Variants in GRIA4 observed in about 807,000 individuals in gnomAD.
GRIA4 encodes the protein glutamate receptor 4.
A neutral mutation model predicts 104.0 loss-of-function variants in GRIA4; 34 were observed. The ratio of observed to expected loss-of-function variants is 0.33; its 90% CI spans 0.25 to 0.44. The LOEUF (loss-of-function observed/expected upper bound fraction) is 0.44. GRIA4 is among the 20% of genes least tolerant of loss of function. The probability of loss-of-function intolerance (pLI) is 1.00; values close to 1 mark genes in which losing one functional copy is unlikely to be tolerated. For synonymous variants in GRIA4, 386 were observed against 381.9 expected (o/e 1.01, Z -0.13); for missense variants, 750 against 1,096.5 (o/e 0.68, Z 4.46).
chr11:105,808,955 T>C (rs1228387396), intron 4 of GRIA4, among the ~76,000 whole-genome samples: 26 of 152,002 alleles, frequency 1.7e-4, no homozygotes. Context: ...AAAAATGCAG[T>C]TAGGTCAGTT....
intron 1 of GRIA4, 33 bp from the exon 2 acceptor site, chr11:105,610,875 T>TTTTTTTTTTTTTG: frequency 3.2e-6 from 1 of 314,420 alleles, no homozygotes; most frequent in East Asian, 5.4e-5. Flanking sequence ...CTTTTCTTTT[T>TTTTTTTTTTTTTG]TTTTTTTTTT....
At position 105,841,580 on chromosome 11, in the gene GRIA4, C is replaced by T. The variant is rs577699943; in HGVS notation, c.488-20444C>T. Among the ~76,000 whole-genome samples, 6 of 152,120 alleles carry T rather than the reference C, an allele frequency of 3.9e-5. No homozygotes were observed. The South Asian group carries it at 1.2e-3, about 32-fold the overall frequency. ...AGAGTTTTTTATTCTAAAATTATGT[C>T]TTTCCTACTTTTCTAGAATTCAAGT... On this transcript the variant is annotated intron_variant, in intron 4 of 16. Transcript: ENST00000282499.
intron 3 of GRIA4, among the ~76,000 whole-genome samples, chr11:105,715,393 C>A (rs996582885): frequency 1.3e-5 from 2 of 152,014 alleles, no homozygotes; most frequent in Non-Finnish European, 2.9e-5. Flanking sequence ...ATGCTTAATC[C>A]CCACTGAAAA....
intron 3 of GRIA4, among the ~76,000 whole-genome samples, chr11:105,661,032 G>C (rs1390799173): frequency 6.6e-6 from 1 of 150,640 alleles, no homozygotes; most frequent in Non-Finnish European, 1.5e-5. Context: ...AATTAGAAAG[G>C]TGGGTGTGAA....
At chr11:105,856,077 T>C (rs540649853) in intron 4 of GRIA4, among the ~76,000 whole-genome samples, 1 of 152,166 alleles carries the variant, frequency 6.6e-6, no homozygotes, top group Admixed American at 6.6e-5. Context: ...ATTTATTCTG[T>C]ATCCTTAATC....
At chr11:105,838,619 A>T (rs1313150701) in intron 4 of GRIA4, among the ~76,000 whole-genome samples, 1 of 152,166 alleles carries the variant, frequency 6.6e-6, no homozygotes, top group Non-Finnish European at 1.5e-5. Flanking sequence ...CCATAAATTG[A>T]ACTAAAATGT....
At chr11:105,919,578 C>T (rs188653583) in intron 11 of GRIA4, among the ~76,000 whole-genome samples, 1 of 152,214 alleles carries the variant, frequency 6.6e-6, no homozygotes, top group Non-Finnish European at 1.5e-5. Flanking sequence ...TTGAGTGTAC[C>T]TGATATTGAG....
intron 2 of GRIA4, among the ~76,000 whole-genome samples, 179 bp from the exon 3 acceptor site, chr11:105,612,097 T>C (rs981762600): frequency 6.6e-6 from 1 of 152,096 alleles, no homozygotes; most frequent in Admixed American, 6.6e-5. Flanking sequence ...GCTGAGCTGC[T>C]CTAAAGACTA....
chr11:105,822,529 G>A (rs1485421815), intron 4 of GRIA4, among the ~76,000 whole-genome samples: 1 of 152,082 alleles, frequency 6.6e-6, no homozygotes, highest in African/African-American at 2.4e-5. Flanking sequence ...CTGAGCAATG[G>A]TAGGGTGCTC....
At chr11:105,959,711 CATTG>C (rs1948686222) in intron 14 of GRIA4, among the ~76,000 whole-genome samples, 1 of 152,126 alleles carries the variant, frequency 6.6e-6, no homozygotes, top group African/African-American at 2.4e-5. Context: ...AGCATTTTTT[CATTG>C]ATTCTTTCTC....
intron 5 of GRIA4, among the ~76,000 whole-genome samples, chr11:105,877,527 C>T (rs949190653): frequency 1.3e-5 from 2 of 152,184 alleles, no homozygotes; most frequent in Non-Finnish European, 2.9e-5. Context: ...CCTTTCTCCT[C>T]GTCACTTTCA....
chr11:105,681,162 A>G (rs987833356), intron 3 of GRIA4, among the ~76,000 whole-genome samples: 10 of 152,200 alleles, frequency 6.6e-5, no homozygotes, highest in Non-Finnish European at 2.9e-5. Flanking sequence ...TGACTTGATA[A>G]TAAGTAGTTG....
intron 13 of GRIA4, among the ~76,000 whole-genome samples, chr11:105,930,216 G>T (rs1947833890): frequency 6.6e-6 from 1 of 152,072 alleles, no homozygotes; most frequent in South Asian, 2.1e-4. Flanking sequence ...TGCAGTCACA[G>T]ATAAGGCACA....
intron 3 of GRIA4, among the ~76,000 whole-genome samples, chr11:105,616,854 A>C (rs1950613528): frequency 1.3e-5 from 2 of 151,588 alleles, no homozygotes; most frequent in South Asian, 2.1e-4. Flanking sequence ...GATTTCAGAT[A>C]ATTCTTTAGT....
At chr11:105,802,821 G>A (rs924799940) in intron 4 of GRIA4, among the ~76,000 whole-genome samples, 31 of 151,144 alleles carry the variant, frequency 2.1e-4, no homozygotes, top group African/African-American at 7.5e-4. Flanking sequence ...AAAACATATT[G>A]TTATACTTTT....
In GRIA4 at chr11:105,925,303, C is replaced by G. The variant is rs141229635; in HGVS notation, c.1847+534C>G. 2.8e-3 allele frequency among the ~76,000 whole-genome samples: 424 copies of G among 152,196 alleles called. 2 individuals carry two copies. Among genetic ancestry groups the G allele is most frequent in the Non-Finnish European group, 4.5e-3 (307 of 67,984 alleles). ...GCTAAGCAATAGGCAAAAAGCCAACCATGCAAACACTATGCTAGTTTTATG... is the reference window on the plus strand; with the variant it reads ...GCTAAGCAATAGGCAAAAAGCCAACGATGCAAACACTATGCTAGTTTTATG... On this transcript the variant is annotated intron_variant, in intron 12 of 16. Coordinates refer to ENST00000282499, the MANE Select transcript of GRIA4 (RefSeq NM_000829.4).
At chr11:105,952,833 CA>C in intron 14 of GRIA4, among the ~76,000 whole-genome samples, 1 of 152,282 alleles carries the variant, frequency 6.6e-6, no homozygotes, top group East Asian at 1.9e-4. Context: ...TTTCCACTTA[CA>C]AAAATTTTTC....
rs77838844 is a variant in GRIA4 at position 105,820,415 on chromosome 11, A to C, written c.488-41609A>C. ...TTCATAACCCTTCCTCAAACATGCC[A>C]GTCATGGACCCTCTTTATCTTTGGT... On this transcript the variant is annotated intron_variant, in intron 4 of 16. Coordinates refer to ENST00000282499, the MANE Select transcript of GRIA4 (RefSeq NM_000829.4). Among the ~76,000 whole-genome samples, 373 of 152,200 alleles carry C rather than the reference A, an allele frequency of 2.5e-3. 6 individuals are homozygous for C. The highest frequency in any genetic ancestry group is 8.3e-3 in the African/African-American group (344 of 41,540).
At chr11:105,788,075 C>A (rs983025166) in intron 4 of GRIA4, among the ~76,000 whole-genome samples, 2 of 151,934 alleles carry the variant, frequency 1.3e-5, no homozygotes, top group Admixed American at 1.3e-4. Context: ...AAATAATGTT[C>A]AATTAGAAAA....
Sources: allele counts gnomAD v4.1 joint callset (sites outside exome capture counted in the v4.1 genomes callset), GRCh38; gene constraint gnomAD v4.1.1; transcripts MANE v1.5; gene names NCBI Gene and HGNC (gene_info 2026-07-23, HGNC 2026-07-21).